The following GRIN2A variants were observed in gnomAD, a reference collection of about 807,000 sequenced individuals.
The protein encoded by GRIN2A is glutamate receptor ionotropic, NMDA 2A.
Under a neutral mutation model 113.4 loss-of-function variants are expected in GRIN2A, and 22 were observed. The observed-to-expected ratio is 0.19, with a 90% CI of 0.14 to 0.28. The LOEUF (loss-of-function observed/expected upper bound fraction) is 0.28. Ranked by LOEUF, GRIN2A falls within the 10% of genes least tolerant of loss-of-function variation. The pLI, the probability that GRIN2A is intolerant of heterozygous loss-of-function variation, is 1.00. For missense variants in GRIN2A, 1,502 were observed against 1,887.0 expected (o/e 0.80, Z 3.78); for synonymous variants, 827 against 738.4 (o/e 1.12, Z -1.94).
chr16:10,128,068 C>T (rs118072144), intron 2 of GRIN2A, among the ~76,000 whole-genome samples: 6,576 of 152,288 alleles, frequency 0.043, 234 homozygotes, highest in Middle Eastern at 0.071. Flanking sequence ...CGCCAAGGCT[C>T]AGTGAGCTTC....
intron 2 of GRIN2A, among the ~76,000 whole-genome samples, chr16:9,981,369 A>G (rs2045889022): frequency 6.6e-6 from 1 of 152,212 alleles, no homozygotes; most frequent in Non-Finnish European, 1.5e-5. Context: ...AACTTGGGTC[A>G]CTTTATATTC....
At chr16:9,808,608 C>T (rs2042026858) in intron 10 of GRIN2A, among the ~76,000 whole-genome samples, 2 of 152,080 alleles carry the variant, frequency 1.3e-5, no homozygotes, top group African/African-American at 2.4e-5. Context: ...ATGTGGGAAA[C>T]AGGCTGAGAG....
chr16:10,072,721 C>T (rs1257035623), intron 2 of GRIN2A, among the ~76,000 whole-genome samples: 1 of 152,096 alleles, frequency 6.6e-6, no homozygotes, highest in East Asian at 1.9e-4. Flanking sequence ...CATGTGCATC[C>T]TAGGCTCTAT....
chr16:9,883,218 A>T (rs887450560), intron 4 of GRIN2A, among the ~76,000 whole-genome samples: 1 of 152,234 alleles, frequency 6.6e-6, no homozygotes, highest in African/African-American at 2.4e-5. Context: ...TTGTCATCAT[A>T]GTTATTGGTA....
At chr16:10,053,676 C>T (rs1405180097) in intron 2 of GRIN2A, among the ~76,000 whole-genome samples, 1 of 152,206 alleles carries the variant, frequency 6.6e-6, no homozygotes, top group Non-Finnish European at 1.5e-5. Flanking sequence ...ATCCTGCCAC[C>T]TGCTGTTACA....
chr16:9,941,677 A>G (rs1481025925), intron 2 of GRIN2A, among the ~76,000 whole-genome samples: 1 of 151,470 alleles, frequency 6.6e-6, no homozygotes, highest in Non-Finnish European at 1.5e-5. Flanking sequence ...ATGGGGGGGA[A>G]AAAAAACACT....
chr16:9,789,483 C>A (rs902550328), intron 11 of GRIN2A, among the ~76,000 whole-genome samples: 1 of 152,000 alleles, frequency 6.6e-6, no homozygotes, highest in African/African-American at 2.4e-5. Flanking sequence ...TGTGGGAACG[C>A]CTGAATTCCT....
intron 10 of GRIN2A, among the ~76,000 whole-genome samples, chr16:9,806,481 A>ATATT (rs1171886082): frequency 6.6e-6 from 1 of 152,160 alleles, no homozygotes; most frequent in Admixed American, 6.5e-5. Flanking sequence ...TGGATGGTTA[A>ATATT]TATTTATTTT....
At chr16:9,792,784 G>A (rs961677863) in intron 11 of GRIN2A, among the ~76,000 whole-genome samples, 3 of 152,136 alleles carry the variant, frequency 2.0e-5, no homozygotes, top group African/African-American at 4.8e-5. Flanking sequence ...AAGATTAAAC[G>A]CTTCTCAATA....
At chr16:9,986,002 C>T (rs916745499) in intron 2 of GRIN2A, among the ~76,000 whole-genome samples, 6 of 151,964 alleles carry the variant, frequency 3.9e-5, no homozygotes, top group African/African-American at 1.5e-4. Flanking sequence ...AAATAAAAAA[C>T]ATTTTTAACT....
chr16:10,046,506 A>T lies in GRIN2A; in HGVS notation c.415-107955T>A, dbSNP rs1183801045. Among the ~76,000 whole-genome samples the T allele has an allele frequency of 2.0e-5, 3 of 152,086 alleles. No individual in the cohort carries two copies. In the East Asian group the frequency reaches 5.8e-4, roughly 29 times the overall value. ...AGCATCCCAATATAAACACCTTCCC[A>T]TCTTTTCCATAACAAACCTACTTTG... On this transcript the variant is annotated intron_variant, in intron 2 of 12. Transcript: ENST00000330684.
intron 2 of GRIN2A, among the ~76,000 whole-genome samples, chr16:9,947,857 T>C (rs1467929899): frequency 2.0e-5 from 3 of 152,170 alleles, no homozygotes; most frequent in African/African-American, 7.2e-5. Context: ...AATGCATGTA[T>C]TACTCTGAGC....
chr16:9,783,740 T>G (rs957161183), intron 11 of GRIN2A, among the ~76,000 whole-genome samples: 1 of 152,206 alleles, frequency 6.6e-6, no homozygotes, highest in Non-Finnish European at 1.5e-5. Context: ...GCAACTGATA[T>G]GTGTACTCAA....
chr16:10,075,548 TA>T (rs1567280562), intron 2 of GRIN2A, among the ~76,000 whole-genome samples: 1 of 152,186 alleles, frequency 6.6e-6, no homozygotes, highest in Non-Finnish European at 1.5e-5. Context: ...AATGTGAATG[TA>T]CTTAACGCCA....
chr16:10,101,894 G>A (rs1255245566), intron 2 of GRIN2A, among the ~76,000 whole-genome samples: 1 of 152,182 alleles, frequency 6.6e-6, no homozygotes, highest in Non-Finnish European at 1.5e-5. Context: ...TCAAAGTTTA[G>A]TTTAGTCTCA....
intron 3 of GRIN2A, 122 bp downstream of exon 3, chr16:9,937,837 A>G (rs965837224): frequency 2.7e-6 from 2 of 732,170 alleles, no homozygotes; most frequent in Non-Finnish European, 2.4e-6. Context: ...AAAGTCCCGT[A>G]AGTAAACACA....
intron 2 of GRIN2A, among the ~76,000 whole-genome samples, chr16:10,074,828 A>C (rs920922249): frequency 6.6e-6 from 1 of 152,216 alleles, no homozygotes; most frequent in Non-Finnish European, 1.5e-5. Context: ...CAATATAGTC[A>C]ATATACTAAA....
chr16:10,096,002 A>C (rs564369710), intron 2 of GRIN2A, among the ~76,000 whole-genome samples: 25 of 152,302 alleles, frequency 1.6e-4, no homozygotes, highest in Admixed American at 1.3e-3. Context: ...TCATGACACA[A>C]GTTTACCTGT....
intron 11 of GRIN2A, among the ~76,000 whole-genome samples, chr16:9,785,524 GCACATGTA>G (rs1212830557): frequency 6.6e-6 from 1 of 151,862 alleles, no homozygotes; most frequent in African/African-American, 2.4e-5. Context: ...CACCAACATG[GCACATGTA>G]CACATATGTA....
Sources: gnomAD v4.1 joint callset for allele counts (sites outside exome capture counted in the v4.1 genomes callset) on GRCh38, gnomAD v4.1.1 for gene constraint, MANE v1.5 for transcripts, NCBI Gene and HGNC (gene_info 2026-07-23, HGNC 2026-07-21) for gene names.